The following SUPT3H variants were observed in gnomAD, a reference collection of about 807,000 sequenced individuals.
SUPT3H encodes the protein SPT3 homolog, SAGA and STAGA complex component, also known as transcription initiation protein SPT3 homolog.
A neutral mutation model predicts 44.3 loss-of-function variants in SUPT3H; 44 were observed. The ratio of observed to expected loss-of-function variants is 0.99; its 90% CI spans 0.78 to 1.28. SUPT3H has a LOEUF of 1.28. Among genes scored for constraint, SUPT3H ranks in the 50% most tolerant of loss-of-function variants. The pLI, the probability that SUPT3H is intolerant of heterozygous loss-of-function variation, is 0.00. For synonymous variants in SUPT3H, 124 were observed against 125.6 expected (o/e 0.99, Z 0.09); for missense variants, 380 against 387.1 (o/e 0.98, Z 0.15).
At chr6:45,151,174 GAA>G (rs942795695) in intron 2 of SUPT3H, among the ~76,000 whole-genome samples, 6 of 151,968 alleles carry the variant, frequency 3.9e-5, no homozygotes, top group Admixed American at 3.3e-4. Flanking sequence ...GAAAAATTTT[GAA>G]AAGAGAAAAG....
At chr6:45,238,399 C>T (rs552142023) in intron 2 of SUPT3H, among the ~76,000 whole-genome samples, 182 of 152,294 alleles carry the variant, frequency 1.2e-3, no homozygotes, top group Non-Finnish European at 2.0e-3. Context: ...TACCAGGGGA[C>T]ATTAATTGGA....
At chr6:44,900,918 G>A (rs1349427307) in intron 10 of SUPT3H, among the ~76,000 whole-genome samples, 1 of 152,162 alleles carries the variant, frequency 6.6e-6, no homozygotes, top group Non-Finnish European at 1.5e-5. Context: ...ACAGGGTCTG[G>A]AGTGGACCTC....
chr6:45,169,467 C>T (rs1379446555), intron 2 of SUPT3H, among the ~76,000 whole-genome samples: 1 of 152,050 alleles, frequency 6.6e-6, no homozygotes, highest in African/African-American at 2.4e-5. Flanking sequence ...CTACATTATT[C>T]CAAATCAGAA....
intron 3 of SUPT3H, among the ~76,000 whole-genome samples, chr6:45,053,268 C>CT (rs1352517680): frequency 2.0e-5 from 3 of 150,576 alleles, no homozygotes; most frequent in Non-Finnish European, 4.4e-5. Context: ...CCAGGCTGGT[C>CT]TCCAACTCCC....
chr6:45,301,998 TTGAGA>T (rs1782199783), intron 2 of SUPT3H, among the ~76,000 whole-genome samples: 1 of 152,150 alleles, frequency 6.6e-6, no homozygotes, highest in African/African-American at 2.4e-5. Flanking sequence ...GAACTGAATT[TTGAGA>T]TGGGCCAGTT....
intron 6 of SUPT3H, among the ~76,000 whole-genome samples, chr6:44,965,570 CCT>C (rs1031737679): frequency 6.7e-5 from 10 of 149,166 alleles, no homozygotes; most frequent in South Asian, 4.3e-4. Flanking sequence ...TTTGTTTATT[CCT>C]CTCTCTTCCC....
chr6:45,248,691 T>C (rs113799885), intron 2 of SUPT3H, among the ~76,000 whole-genome samples: 11 of 152,092 alleles, frequency 7.2e-5, no homozygotes, highest in African/African-American at 1.4e-4. Context: ...CCAAGGTGGA[T>C]AGATCACGAG....
intron 3 of SUPT3H, among the ~76,000 whole-genome samples, chr6:45,043,142 T>TACACACACACACAC (rs59321114): frequency 1.6e-3 from 239 of 146,838 alleles, no homozygotes; most frequent in East Asian, 6.5e-3. Context: ...CATACACACA[T>TACACACACACACAC]ACACACACAC....
intron 10 of SUPT3H, among the ~76,000 whole-genome samples, chr6:44,908,000 G>A (rs1054949121): frequency 6.6e-6 from 1 of 152,090 alleles, no homozygotes; most frequent in East Asian, 1.9e-4. Context: ...AGGAGAACTT[G>A]AAAGAGTAGC....
intron 2 of SUPT3H, among the ~76,000 whole-genome samples, chr6:45,143,572 A>T (rs1805578836): frequency 6.6e-6 from 1 of 152,210 alleles, no homozygotes; most frequent in Non-Finnish European, 1.5e-5. Flanking sequence ...GAAAGTTCAT[A>T]GTATTAAATG....
downstream of SUPT3H, among the ~76,000 whole-genome samples, chr6:44,823,353 G>C (rs113457958): frequency 8.9e-3 from 1,361 of 152,190 alleles, 14 homozygotes; most frequent in South Asian, 0.026. Context: ...AAACTTTATG[G>C]GAAAGAGCTA....
chr6:44,950,329 G>C (rs73735267), intron 9 of SUPT3H, among the ~76,000 whole-genome samples: 3,758 of 152,168 alleles, frequency 0.025, 168 homozygotes, highest in African/African-American at 0.085. Flanking sequence ...CACAGTATTG[G>C]CTCCTAAGAA....
chr6:45,303,871 T>C (rs1023117235), intron 2 of SUPT3H, among the ~76,000 whole-genome samples: 2 of 151,384 alleles, frequency 1.3e-5, no homozygotes, highest in Admixed American at 1.3e-4. Context: ...TGCGCGCCTG[T>C]AGTCCCAGCT....
intron 2 of SUPT3H, among the ~76,000 whole-genome samples, chr6:45,271,899 G>A (rs966461788): frequency 6.6e-6 from 1 of 152,184 alleles, no homozygotes; most frequent in Non-Finnish European, 1.5e-5. Context: ...GTGTGACCTG[G>A]ATGTGAGACA....
intron 2 of SUPT3H, among the ~76,000 whole-genome samples, chr6:45,343,782 G>C (rs755857525): frequency 1.2e-4 from 19 of 152,154 alleles, no homozygotes; most frequent in Non-Finnish European, 2.1e-4. Flanking sequence ...ATGTAACACA[G>C]AAGTTTGTGA....
intron 3 of SUPT3H, among the ~76,000 whole-genome samples, chr6:45,088,688 CA>C (rs1384370393): frequency 6.6e-6 from 1 of 151,916 alleles, no homozygotes; most frequent in Admixed American, 6.6e-5. Context: ...AATCAGGGAT[CA>C]GGGGAGTCAC....
intron 2 of SUPT3H, among the ~76,000 whole-genome samples, chr6:45,124,683 G>A (rs1217055367): frequency 6.6e-6 from 1 of 150,946 alleles, no homozygotes; most frequent in African/African-American, 2.4e-5. Context: ...AAACTGTACA[G>A]CTTACCAATT....
At chr6:44,910,093 G>A (rs548497993) in intron 10 of SUPT3H, among the ~76,000 whole-genome samples, 1 of 152,238 alleles carries the variant, frequency 6.6e-6, no homozygotes, top group South Asian at 2.1e-4. Context: ...TGCTCCAGTT[G>A]GGCCTATTTC....
At chr6:45,328,572 TC>T (rs1786812517) in intron 2 of SUPT3H, 5 of 1,580,742 alleles carry the variant, frequency 3.2e-6, no homozygotes, top group Non-Finnish European at 3.4e-6. Context: ...CTACATAATT[TC>T]TTGACAGAAA....
Sources: allele counts gnomAD v4.1 joint callset (sites outside exome capture counted in the v4.1 genomes callset), GRCh38; gene constraint gnomAD v4.1.1; transcripts MANE v1.5; gene names NCBI Gene and HGNC (gene_info 2026-07-23, HGNC 2026-07-21).